The following KIF17 variants were observed in gnomAD, a reference collection of about 807,000 sequenced individuals.
KIF17 encodes the protein kinesin-like protein KIF17.
In KIF17, 80 loss-of-function variants were observed where a neutral mutation model predicts 96.8. The ratio of observed to expected loss-of-function variants is 0.83; its 90% CI spans 0.69 to 1.00. The LOEUF is 1.00. Ranked by LOEUF, KIF17 falls within the 50% of genes least tolerant of loss-of-function variation. The pLI is 0.00. For synonymous variants in KIF17, 567 were observed against 587.5 expected, an observed-to-expected ratio of 0.97 and a Z score of 0.51; for missense variants, 1,280 against 1,372.9, an observed-to-expected ratio of 0.93 and a Z score of 1.07.
rs1440788344 is a variant in KIF17, at chr1:20,685,600, C to A, written c.2019+446G>T. Reference sequence around the variant, plus strand: ...CCCTGCTGAGAGCCTGCTGCAGGCCCGGTGCCCAGCCCACACTTGAGTCCA... The same window carrying A: ...CCCTGCTGAGAGCCTGCTGCAGGCCAGGTGCCCAGCCCACACTTGAGTCCA... On this transcript the variant is annotated intron_variant, in intron 9 of 14. Coordinates refer to ENST00000400463, the MANE Select transcript of KIF17 (RefSeq NM_001122819.3). The surrounding 1 kb of genome is among the most constrained non-coding windows in gnomAD (Gnocchi z 4.1). Among the ~76,000 whole-genome samples, 3 of 152,072 alleles carry A rather than the reference C, an allele frequency of 2.0e-5. No homozygotes were observed. The highest frequency in any genetic ancestry group is 2.9e-5 in the Non-Finnish European group (2 of 68,020).
At position 20,704,973 on chromosome 1, in the gene KIF17, C is replaced by G. The variant is rs1441621990; in HGVS notation, c.671-74G>C. The stretch of plus-strand genomic sequence containing the variant: ...TATCGAGGGCAATCAGTGCCAGGCA[C>G]TGGGTGCTCAATGCCCACCCACCGA... On this transcript the variant is annotated intron_variant, in intron 4 of 14. Coordinates refer to ENST00000400463, the MANE Select transcript of KIF17 (RefSeq NM_001122819.3). This position sits in a 1 kb window ranked among gnomAD's most constrained non-coding sequence, Gnocchi z 6.8. 7.2e-7 allele frequency: 1 copy of G among 1,380,170 alleles called. No homozygotes were observed. Among genetic ancestry groups the G allele is most frequent in the East Asian group, 2.3e-5 (1 of 43,332 alleles). 85.5% of individuals were successfully genotyped at this position (1,380,170 alleles called of 1,614,324 possible). A position where few individuals can be genotyped will look rare whatever the true frequency, so the allele number is the denominator to read the frequency against.
downstream of KIF17, among the ~76,000 whole-genome samples, chr1:20,663,405 T>C (rs983434276): frequency 4.6e-5 from 7 of 152,074 alleles, no homozygotes; most frequent in African/African-American, 1.7e-4. Flanking sequence ...TAGAAATTGA[T>C]ACAAAATAGG....
At chr1:20,683,470 C>T (rs977524601) in intron 10 of KIF17, among the ~76,000 whole-genome samples, 5 of 152,130 alleles carry the variant, frequency 3.3e-5, no homozygotes, top group Non-Finnish European at 7.4e-5. Context: ...GCTTGACCAA[C>T]ATGGTTAAAC....
intron 3 of KIF17, among the ~76,000 whole-genome samples, chr1:20,712,636 AT>A (rs2054469478): frequency 5.5e-5 from 1 of 18,270 alleles, no homozygotes; most frequent in African/African-American, 2.0e-4. Context: ...ATATCTATAT[AT>A]ATAATATAGA....
intron 13 of KIF17, among the ~76,000 whole-genome samples, chr1:20,666,710 G>A (rs898188114): frequency 6.6e-6 from 1 of 152,198 alleles, no homozygotes; most frequent in African/African-American, 2.4e-5. Context: ...TAGGCAATGC[G>A]TTGCTATCCT....
chr1:20,711,430 A>G (rs1053970695), intron 3 of KIF17, among the ~76,000 whole-genome samples: 3 of 152,128 alleles, frequency 2.0e-5, no homozygotes, highest in Admixed American at 1.3e-4. Flanking sequence ...TCAGCCGCGC[A>G]CCAGGTTCCT....
chr1:20,664,248 G>A lies in KIF17; in HGVS notation c.*336C>T, dbSNP rs2053484390. ...GCCCTCTCCATCAGGGCTGGTGAAG[G>A]CCGTGAAGCAGGTCTCAGGCTTTGA... is the stretch of plus-strand genomic sequence containing the variant. On this transcript the variant is annotated 3_prime_UTR_variant, in exon 15 of 15. Coordinates refer to ENST00000400463, the MANE Select transcript of KIF17 (RefSeq NM_001122819.3). 16 of 970,990 alleles carry A rather than the reference G, an allele frequency of 1.6e-5. No homozygotes were observed. In the South Asian group the frequency reaches 2.2e-4, roughly 13 times the overall value. 60.1% of individuals were successfully genotyped at this position (970,990 alleles called of 1,614,324 possible). A position where few individuals can be genotyped will look rare whatever the true frequency, so the allele number is the denominator to read the frequency against.
chr1:20,676,534 G>A (rs911117909), intron 11 of KIF17, among the ~76,000 whole-genome samples: 1 of 152,164 alleles, frequency 6.6e-6, no homozygotes, highest in African/African-American at 2.4e-5. Flanking sequence ...TAAGAAAAAT[G>A]CAAATTAAAA....
At chr1:20,666,381 G>T in intron 13 of KIF17, 50 bp from the exon 14 acceptor site, 6 of 1,439,904 alleles carry the variant, frequency 4.2e-6, no homozygotes, top group Non-Finnish European at 4.9e-6. Context: ...TGTGCCCCTG[G>T]CACAGGGCTC....
chr1:20,662,115 T>C (rs531268), downstream of KIF17, among the ~76,000 whole-genome samples: 149,958 of 152,374 alleles, frequency 0.98, 73,850 homozygotes, highest in Middle Eastern at 1. Flanking sequence ...AGCTCCGCTG[T>C]TTATCTGTGT....
Position 20,682,812 on chromosome 1 carries a change from C to A in KIF17, c.2304G>T (p.Lys768Asn). The A allele has an allele frequency of 6.2e-7, 1 of 1,612,718 alleles. No individual in the cohort carries two copies. The highest frequency in any genetic ancestry group is 8.5e-7 in the Non-Finnish European group (1 of 1,180,042). ...AKNKDLKEKH[K>N]RRKRYADERR... ...GCTCGTCTGCGTAGCGCTTGCGCCG[C>A]TTGTGCTTCTCCTTCAGGTCCTTGT... Residue 768 changes from lysine to asparagine, a missense_variant, in exon 11 of 15, where the codon AAG becomes AAT. Physicochemically the swap from Lys to Asn is moderately conservative, Grantham distance 94. Transcript: ENST00000400463.
intron 13 of KIF17, among the ~76,000 whole-genome samples, chr1:20,668,226 T>C (rs1253776670): frequency 1.3e-5 from 2 of 150,482 alleles, no homozygotes; most frequent in Non-Finnish European, 3.0e-5. Context: ...AGGAGAATGG[T>C]GTGAACCTGG....
At chr1:20,688,636 A>C (rs1324257433) in intron 7 of KIF17, among the ~76,000 whole-genome samples, 1 of 152,220 alleles carries the variant, frequency 6.6e-6, no homozygotes, top group Non-Finnish European at 1.5e-5. Flanking sequence ...CTGAGAGCTC[A>C]GCAGATTTCA....
chr1:20,708,294 C>A (rs2054378011), intron 4 of KIF17, among the ~76,000 whole-genome samples: 1 of 152,246 alleles, frequency 6.6e-6, no homozygotes, highest in South Asian at 2.1e-4. Context: ...ACCACACCAG[C>A]TGGGCAATGC....
At position 20,685,034 on chromosome 1, in the gene KIF17, G is replaced by T; in HGVS notation, c.2020-14C>A. ...CAGATCTACCTCCTGAGTGTGAAGA[G>T]AAACCCAGGTGGAGGTGGGAAGGCC... On this transcript the variant is annotated splice_polypyrimidine_tract_variant and intron_variant, in intron 9 of 14. Transcript: ENST00000400463. This position sits in a 1 kb window ranked among gnomAD's most constrained non-coding sequence, Gnocchi z 4.1. 6.4e-7 allele frequency: 1 copy of T among 1,573,010 alleles called. No individual in the cohort carries two copies. The highest frequency in any genetic ancestry group is 8.6e-7 in the Non-Finnish European group (1 of 1,158,486).
Position 20,709,894 on chromosome 1 carries a change from A to G in KIF17, c.481-66T>C. 1 of 1,480,864 alleles carries G rather than the reference A, an allele frequency of 6.8e-7. No homozygotes were observed. The highest frequency in any genetic ancestry group is 1.4e-5 in the African/African-American group (1 of 71,770). The allele number at this position is 1,480,864 out of a possible 1,614,324, so 91.7% of individuals were successfully genotyped here. A position where few individuals can be genotyped will look rare whatever the true frequency, so the allele number is the denominator to read the frequency against. On this transcript the variant is annotated intron_variant, in intron 3 of 14. Transcript: ENST00000400463. This position sits in a 1 kb window ranked among gnomAD's most constrained non-coding sequence, Gnocchi z 4.7. ...CCAAGGGTTAGGACCAGGGATGGTC[A>G]AGGAACCAGAGAGAAGGGCCCCATC...
downstream of KIF17, among the ~76,000 whole-genome samples, chr1:20,661,855 G>A (rs1243152885): frequency 2.0e-5 from 3 of 152,256 alleles, no homozygotes; most frequent in Non-Finnish European, 4.4e-5. Context: ...GGGAGGAGGA[G>A]TTGGAAGAAT....
Position 20,685,338 on chromosome 1 carries a change from T to C in KIF17, c.2020-318A>G. ...CCGTTCCCGATGAGCCCCATGTGAC[T>C]TCCCGTCACGTTCGCAGGAAAGTCC... On this transcript the variant is annotated intron_variant, in intron 9 of 14. Transcript: ENST00000400463. This position sits in a 1 kb window ranked among gnomAD's most constrained non-coding sequence, Gnocchi z 4.1. 2 of 507,816 alleles carry C rather than the reference T, an allele frequency of 3.9e-6. No homozygotes were observed. The highest frequency in any genetic ancestry group is 1.9e-5 in the African/African-American group (1 of 52,618). 31.5% of individuals were successfully genotyped at this position (507,816 alleles called of 1,614,324 possible).
rs751053357 is a variant in KIF17 at position 20,709,642 on chromosome 1, C to T, written c.667G>A (p.Val223Met). Residue 223 changes from valine to methionine, a missense_variant, in exon 4 of 15, where the codon GTG (valine) becomes ATG (methionine). Val to Met is a conservative substitution (Grantham distance 21). Transcript: ENST00000400463. This position sits in a 1 kb window ranked among gnomAD's most constrained non-coding sequence, Gnocchi z 4.7. ...IFTISIEMSAVDERGKDHLRA... is the reference protein window; with the variant it reads ...IFTISIEMSAMDERGKDHLRA... ...CCCCAACAATGGCCTCGCATACCCA[C>T]GGCAGACATCTCGATGCTGATGGTG... 5.0e-6 allele frequency: 8 copies of T among 1,613,858 alleles called. 1 individual carries two copies. In the South Asian group the frequency reaches 6.6e-5, roughly 13 times the overall value.
Sources: gnomAD v4.1 joint callset for allele counts (sites outside exome capture counted in the v4.1 genomes callset) on GRCh38, gnomAD v4.1.1 for gene constraint, Gnocchi (gnomAD v3.1) non-coding constraint, MANE v1.5 for transcripts, NCBI Gene and HGNC (gene_info 2026-07-23, HGNC 2026-07-21) for gene names.